Variants in PLCL2 observed in about 807,000 individuals in gnomAD.
PLCL2 encodes the protein inactive phospholipase C-like protein 2.
In PLCL2, 4 loss-of-function variants were observed where a neutral mutation model predicts 79.6. That is an observed-to-expected ratio of 0.05 (90% confidence interval 0.02 to 0.11). The LOEUF is 0.11. PLCL2 is among the 10% of genes least tolerant of loss of function. The pLI is 1.00. For synonymous variants in PLCL2, 484 were observed against 457.7 expected, an observed-to-expected ratio of 1.06 and a Z score of -0.73; for missense variants, 895 against 1,291.0, an observed-to-expected ratio of 0.69 and a Z score of 4.70.
chr3:16,889,478 G>GT (rs1348747656), intron 1 of PLCL2, among the ~76,000 whole-genome samples: 1 of 152,218 alleles, frequency 6.6e-6, no homozygotes, highest in Non-Finnish European at 1.5e-5. Flanking sequence ...TTAGTCACCC[G>GT]TTGTGGCTGC....
chr3:16,967,305 A>C (rs1270717307), intron 1 of PLCL2, among the ~76,000 whole-genome samples: 1 of 152,104 alleles, frequency 6.6e-6, no homozygotes, highest in Non-Finnish European at 1.5e-5. Context: ...GCTAGGGTGA[A>C]TGTAATTCTG....
At chr3:17,023,900 A>G (rs146821507) in intron 3 of PLCL2, among the ~76,000 whole-genome samples, 35 of 152,310 alleles carry the variant, frequency 2.3e-4, no homozygotes, top group African/African-American at 7.7e-4. Flanking sequence ...TTCATTAACT[A>G]TGGCAGCATC....
chr3:16,962,031 G>A (rs1016405771), intron 1 of PLCL2, among the ~76,000 whole-genome samples: 2 of 152,162 alleles, frequency 1.3e-5, no homozygotes, highest in African/African-American at 4.8e-5. Flanking sequence ...CTGAATGGCA[G>A]TTGAAAGATC....
intron 1 of PLCL2, among the ~76,000 whole-genome samples, chr3:16,973,660 A>G (rs910308211): frequency 6.6e-6 from 1 of 152,330 alleles, no homozygotes; most frequent in Admixed American, 6.5e-5. Context: ...AAGACTGCTA[A>G]CTTAAATACC....
chr3:16,994,103 A>G (rs2064129497), intron 1 of PLCL2, among the ~76,000 whole-genome samples: 1 of 152,224 alleles, frequency 6.6e-6, no homozygotes, highest in Non-Finnish European at 1.5e-5. Flanking sequence ...AGCATATGCC[A>G]CTTAAAATAC....
chr3:17,032,618 G>A (rs927039735), intron 3 of PLCL2, among the ~76,000 whole-genome samples: 2 of 151,392 alleles, frequency 1.3e-5, no homozygotes, highest in Non-Finnish European at 2.9e-5. Context: ...AGTGGCTAAT[G>A]TGGGAAGTGC....
intron 1 of PLCL2, among the ~76,000 whole-genome samples, chr3:16,995,306 T>C (rs2064142610): frequency 6.6e-6 from 1 of 152,250 alleles, no homozygotes; most frequent in African/African-American, 2.4e-5. Context: ...CTTCTTCCGT[T>C]TGTTGACCTT....
chr3:17,059,703 A>T (rs1197242906), intron 4 of PLCL2, among the ~76,000 whole-genome samples: 1 of 152,118 alleles, frequency 6.6e-6, no homozygotes, highest in Non-Finnish European at 1.5e-5. Context: ...CTCTGGAAGG[A>T]TACCTAAGAA....
chr3:16,978,491 G>A (rs1454160713), intron 1 of PLCL2, among the ~76,000 whole-genome samples: 2 of 152,180 alleles, frequency 1.3e-5, no homozygotes, highest in African/African-American at 4.8e-5. Context: ...TGAGAGGAGA[G>A]AAAGAGAAAG....
chr3:17,045,843 A>G (rs1410523535), intron 4 of PLCL2, among the ~76,000 whole-genome samples: 1 of 152,184 alleles, frequency 6.6e-6, no homozygotes, highest in Admixed American at 6.5e-5. Context: ...TAATACAGAA[A>G]GCCGTGACAT....
chr3:16,974,724 G>T (rs1027925089), intron 1 of PLCL2, among the ~76,000 whole-genome samples: 2 of 152,170 alleles, frequency 1.3e-5, no homozygotes, highest in South Asian at 4.1e-4. Flanking sequence ...TTCTGTTTAG[G>T]ATCATGATTA....
intron 5 of PLCL2, among the ~76,000 whole-genome samples, chr3:17,072,634 A>T (rs964039316): frequency 6.7e-6 from 1 of 149,218 alleles, no homozygotes; most frequent in Non-Finnish European, 1.5e-5. Context: ...ATGCCACTGC[A>T]CTCCAGCCTG....
intron 2 of PLCL2, 23 bp from the exon 3 acceptor site, chr3:17,014,685 G>A (rs746502959): frequency 1.9e-6 from 3 of 1,577,624 alleles, no homozygotes; most frequent in Admixed American, 3.3e-5. Context: ...AATTACAAAT[G>A]CTCCTTTCAT....
At chr3:17,068,289 G>A (rs201102304) in intron 5 of PLCL2, among the ~76,000 whole-genome samples, 2 of 152,212 alleles carry the variant, frequency 1.3e-5, no homozygotes, top group South Asian at 2.1e-4. Flanking sequence ...TTGGCACATT[G>A]TAAGTCCTGA....
intron 2 of PLCL2, 97 bp from the exon 3 acceptor site, chr3:17,014,611 A>G (rs1017685612): frequency 2.2e-6 from 2 of 911,114 alleles, no homozygotes; most frequent in Non-Finnish European, 3.5e-6. Flanking sequence ...CTTTTGTACC[A>G]GGTGGTTCAA....
Position 17,010,358 on chromosome 3 carries a change from C to G in PLCL2, c.1012C>G (p.Leu338Val), listed in dbSNP as rs778628224. Residue 338 changes from leucine (L) to valine (V), a missense_variant, in exon 2 of 6, where the codon CTT becomes GTT. By Grantham distance (32) the Leu-to-Val change is conservative. Coordinates refer to ENST00000615277, the MANE Select transcript of PLCL2 (RefSeq NM_001144382.2). This position sits in a 1 kb window ranked among gnomAD's most constrained non-coding sequence, Gnocchi z 5.8. ...AGAATTTATTGAGGTTTTTCATGAG[C>G]TTTGTACTAGACCTGAAATTTATTT... ...KEEFIEVFHE[L>V]CTRPEIYFLL... is the part of the protein sequence containing the mutation. The G allele has an allele frequency of 6.2e-7, 1 of 1,613,970 alleles. No homozygotes were observed.
chr3:17,001,867 G>A (rs994227965), intron 1 of PLCL2, among the ~76,000 whole-genome samples: 2 of 151,142 alleles, frequency 1.3e-5, no homozygotes, highest in African/African-American at 2.4e-5. Context: ...ATGAATGTTA[G>A]GATTTTTTTT....
intron 1 of PLCL2, among the ~76,000 whole-genome samples, chr3:16,970,075 T>C (rs1299679179): frequency 6.7e-6 from 1 of 149,902 alleles, no homozygotes; most frequent in Non-Finnish European, 1.5e-5. Flanking sequence ...TTTATTATTA[T>C]TACACTTTAA....
chr3:16,965,902 C>T (rs1237880675), intron 1 of PLCL2, among the ~76,000 whole-genome samples: 1 of 152,100 alleles, frequency 6.6e-6, no homozygotes, highest in African/African-American at 2.4e-5. Flanking sequence ...AGTTGCTTAT[C>T]AGCTTAAGGA....
Sources: allele counts gnomAD v4.1 joint callset (sites outside exome capture counted in the v4.1 genomes callset), GRCh38; gene constraint gnomAD v4.1.1; non-coding constraint Gnocchi (gnomAD v3.1); transcripts MANE v1.5; gene names NCBI Gene and HGNC (gene_info 2026-07-23, HGNC 2026-07-21).